The following UNK variants were observed in gnomAD, a reference collection of about 807,000 sequenced individuals.
The protein encoded by UNK is RING finger protein unkempt homolog.
In UNK, 32 loss-of-function variants were observed where a neutral mutation model predicts 97.6. The ratio of observed to expected loss-of-function variants is 0.33; its 90% CI spans 0.25 to 0.44. The LOEUF (loss-of-function observed/expected upper bound fraction) is 0.44. Ranked by LOEUF, UNK falls within the 20% of genes least tolerant of loss-of-function variation. The pLI, the probability that UNK is intolerant of heterozygous loss-of-function variation, is 1.00. For synonymous variants in UNK, 441 were observed against 461.2 expected (o/e 0.96, Z 0.56); for missense variants, 771 against 1,098.4 (o/e 0.70, Z 4.21).
At chr17:75,793,664 A>G in intron 1 of UNK, 1 of 983,478 alleles carries the variant, frequency 1.0e-6, no homozygotes. Flanking sequence ...CCCCTTCCTT[A>G]TTCTTTATTC....
At chr17:75,787,000 G>A (rs190926008) in intron 1 of UNK, among the ~76,000 whole-genome samples, 1 of 152,336 alleles carries the variant, frequency 6.6e-6, no homozygotes, top group East Asian at 1.9e-4. Context: ...GAGGTTGTAG[G>A]TGTTCTTATC....
intron 1 of UNK, among the ~76,000 whole-genome samples, chr17:75,799,482 G>A (rs1292801499): frequency 6.6e-6 from 1 of 152,234 alleles, no homozygotes; most frequent in Non-Finnish European, 1.5e-5. Context: ...ATTGCCAGGA[G>A]ATGTATCTAA....
At chr17:75,803,863 C>T (rs1418265466) in intron 1 of UNK, among the ~76,000 whole-genome samples, 1 of 152,196 alleles carries the variant, frequency 6.6e-6, no homozygotes. Context: ...CTATTGAATG[C>T]TGAATGGCTT....
chr17:75,789,844 T>TATACAC (rs2061747131), intron 1 of UNK, among the ~76,000 whole-genome samples: 1 of 152,114 alleles, frequency 6.6e-6, no homozygotes, highest in Admixed American at 6.5e-5. Context: ...AGTTATACTA[T>TATACAC]TGAAAGTGTA....
chr17:75,796,698 T>A (rs544716646), intron 1 of UNK, among the ~76,000 whole-genome samples: 1 of 152,330 alleles, frequency 6.6e-6, no homozygotes, highest in East Asian at 1.9e-4. Flanking sequence ...TCATGTTTGG[T>A]ATCAGAATGT....
At chr17:75,808,988 C>CA (rs1334579781) in intron 1 of UNK, 1 of 151,686 alleles carries the variant, frequency 6.6e-6, no homozygotes, top group African/African-American at 2.4e-5. Flanking sequence ...AGGAGGCGGC[C>CA]AAAAGGAGAC....
intron 7 of UNK, among the ~76,000 whole-genome samples, 157 bp downstream of exon 7, chr17:75,815,410 C>T (rs1367687161): frequency 6.6e-6 from 1 of 152,214 alleles, no homozygotes; most frequent in Non-Finnish European, 1.5e-5. Context: ...AGCTCCATTC[C>T]CCCACCTTTC....
At chr17:75,790,314 T>G (rs1424755416) in intron 1 of UNK, among the ~76,000 whole-genome samples, 1 of 151,854 alleles carries the variant, frequency 6.6e-6, no homozygotes, top group Non-Finnish European at 1.5e-5. Flanking sequence ...AAAAAAAGTT[T>G]ATTCTTGAAA....
chr17:75,813,290 G>T (rs1474119737), intron 5 of UNK, 77 bp downstream of exon 5: 12 of 1,484,350 alleles, frequency 8.1e-6, no homozygotes, highest in Non-Finnish European at 4.5e-6. Context: ...GCTCCCACTG[G>T]CTCTCCGGGA....
At position 75,797,296 on chromosome 17, in the gene UNK, C is replaced by T. The variant is rs566038399; in HGVS notation, c.104+12312C>T. Among the ~76,000 whole-genome samples, 11 of 152,294 alleles carry T rather than the reference C, an allele frequency of 7.2e-5. No homozygotes were observed. The South Asian group carries it at 2.1e-3, about 29-fold the overall frequency. ...TGTCCCCCAGGCTGGAGTGCGGTGG[C>T]GCAATCTCGGCTCACTACAACCTCT... On this transcript the variant is annotated intron_variant, in intron 1 of 15. Transcript: ENST00000589666.
rs778722135 is a variant in UNK at position 75,817,515 on chromosome 17, T to C, written c.1294T>C (p.Phe432Leu). ...GGTGGGAGCCGAGTACCTGAAAAAT[T>C]TCAAATGCCAGGTAAGGGATGAGGG... ...DQVGAEYLKN[F>L]KCQAKLKPHS... The change falls in exon 9 of 16, where the codon TTC (phenylalanine) becomes CTC (leucine). Residue 432 changes from phenylalanine to leucine, a missense_variant. By Grantham distance (22) the Phe-to-Leu change is conservative. Coordinates refer to ENST00000589666, the MANE Select transcript of UNK (RefSeq NM_001080419.3). The surrounding 1 kb of genome is among the most constrained non-coding windows in gnomAD (Gnocchi z 5.8). The C allele has an allele frequency of 4.8e-5, 78 of 1,608,256 alleles. No homozygotes were observed. Among genetic ancestry groups the C allele is most frequent in the Non-Finnish European group, 6.5e-5 (76 of 1,176,684 alleles).
intron 1 of UNK, among the ~76,000 whole-genome samples, chr17:75,801,953 T>C (rs1024189138): frequency 1.3e-5 from 2 of 151,788 alleles, no homozygotes; most frequent in African/African-American, 4.8e-5. Context: ...GTTCAAGTGA[T>C]TCTTGTGCCT....
chr17:75,808,702 C>T (rs1311360515), intron 1 of UNK, among the ~76,000 whole-genome samples: 2 of 152,076 alleles, frequency 1.3e-5, no homozygotes, highest in African/African-American at 2.4e-5. Flanking sequence ...TTCTCGATGA[C>T]GTTAGATGTC....
intron 1 of UNK, among the ~76,000 whole-genome samples, chr17:75,802,832 A>G (rs2061873490): frequency 6.6e-6 from 1 of 152,222 alleles, no homozygotes; most frequent in South Asian, 2.1e-4. Context: ...GTCAGTAGTC[A>G]ATTAAAAAAG....
chr17:75,794,407 C>T (rs571528369), intron 1 of UNK, among the ~76,000 whole-genome samples: 3 of 152,118 alleles, frequency 2.0e-5, no homozygotes, highest in Middle Eastern at 3.4e-3. Context: ...GAGGCTGAGG[C>T]GGGTGGATTG....
At position 75,801,691 on chromosome 17, in the gene UNK, C is replaced by T. The variant is rs1476920132; in HGVS notation, c.105-8069C>T. Among the ~76,000 whole-genome samples the T allele has an allele frequency of 5.9e-5, 9 of 151,522 alleles. 1 individual carries two copies. The highest frequency in any genetic ancestry group is 4.2e-4 in the South Asian group (2 of 4,798). Reference sequence around the variant, plus strand: ...CCTCCTGAGTAGCTGGGACTACAGGCGCCCGCCACCACACCTGGCTAATTT... The same window carrying T: ...CCTCCTGAGTAGCTGGGACTACAGGTGCCCGCCACCACACCTGGCTAATTT... On this transcript the variant is annotated intron_variant, in intron 1 of 15. Coordinates refer to ENST00000589666, the MANE Select transcript of UNK (RefSeq NM_001080419.3).
In UNK at chr17:75,824,472, GTATA is replaced by G; in HGVS notation, c.*67_*70del. 5.4e-6 allele frequency: 6 copies of G among 1,105,992 alleles called. No homozygotes were observed. Among genetic ancestry groups the G allele is most frequent in the Non-Finnish European group, 4.6e-6 (4 of 864,700 alleles). The allele number at this position is 1,105,992 out of a possible 1,614,324, so 68.5% of individuals were successfully genotyped here. On this transcript the variant is annotated 3_prime_UTR_variant, in exon 16 of 16. Transcript: ENST00000589666. This position sits in a 1 kb window ranked among gnomAD's most constrained non-coding sequence, Gnocchi z 4.9. ...ATCTTCTCACCTAGGACTTTTTAAA[GTATA>G]TATATATATATGAATATATATATAT...
rs567239670 is a variant in UNK at position 75,823,655 on chromosome 17, C to G, written c.2277+133C>G. The G allele has an allele frequency of 1.2e-4, 157 of 1,293,638 alleles. No individual in the cohort carries two copies. The East Asian group carries it at 3.9e-3, about 32-fold the overall frequency. The allele number at this position is 1,293,638 out of a possible 1,614,324, so 80.1% of individuals were successfully genotyped here. A position where few individuals can be genotyped will look rare whatever the true frequency, so the allele number is the denominator to read the frequency against. ...CTCTGCCCAGCACTGGGCCAGCACTCAAAAGGCCGGCCTGCTGGGAATGGG... is the reference window on the plus strand; with the variant it reads ...CTCTGCCCAGCACTGGGCCAGCACTGAAAAGGCCGGCCTGCTGGGAATGGG... On this transcript the variant is annotated intron_variant, in intron 15 of 15. Coordinates refer to ENST00000589666, the MANE Select transcript of UNK (RefSeq NM_001080419.3).
chr17:75,823,216 C>G, intron 14 of UNK, 49 bp from the exon 15 acceptor site: 1 of 1,527,824 alleles, frequency 6.5e-7, no homozygotes, highest in Non-Finnish European at 8.8e-7. Context: ...TCTCTGGGGA[C>G]AGGGGCAGGG....
Sources: gnomAD v4.1 joint callset for allele counts (sites outside exome capture counted in the v4.1 genomes callset) on GRCh38, gnomAD v4.1.1 for gene constraint, Gnocchi (gnomAD v3.1) non-coding constraint, MANE v1.5 for transcripts, NCBI Gene and HGNC (gene_info 2026-07-23, HGNC 2026-07-21) for gene names.